The following ARMC2 variants were observed in gnomAD, a reference collection of about 807,000 sequenced individuals.
ARMC2 encodes the protein armadillo repeat containing 2.
ARMC2 carries 67 observed loss-of-function variants against 90.3 expected under a neutral mutation model. The observed-to-expected ratio is 0.74, with a 90% confidence interval of 0.61 to 0.91. The LOEUF (loss-of-function observed/expected upper bound fraction) is 0.91. Ranked by LOEUF, ARMC2 falls within the 40% of genes least tolerant of loss-of-function variation. The pLI is 0.00. For synonymous variants in ARMC2, 393 were observed against 393.0 expected (o/e 1.00, Z 0.00); for missense variants, 920 against 1,030.9 (o/e 0.89, Z 1.47).
At chr6:108,931,773 T>G (rs566815313) in intron 11 of ARMC2, among the ~76,000 whole-genome samples, 3 of 152,022 alleles carry the variant, frequency 2.0e-5, no homozygotes, top group African/African-American at 7.3e-5. Context: ...GCCCACTTTT[T>G]TTTTTTTGAG....
At chr6:108,878,708 G>A (rs1447778129) in intron 5 of ARMC2, among the ~76,000 whole-genome samples, 3 of 152,118 alleles carry the variant, frequency 2.0e-5, no homozygotes, top group Non-Finnish European at 2.9e-5. Flanking sequence ...AAGCACTTAC[G>A]GAACTGTCAT....
At chr6:108,985,943 AAATAT>A in the ARMC2 span, among the ~76,000 whole-genome samples, 2 of 152,180 alleles carry the variant, frequency 1.3e-5, no homozygotes, top group Non-Finnish European at 2.9e-5. Flanking sequence ...TCATGAGAGT[AAATAT>A]CCTTGAGGAC....
intron 10 of ARMC2, among the ~76,000 whole-genome samples, chr6:108,927,676 C>T (rs1775213088): frequency 6.9e-6 from 1 of 144,368 alleles, no homozygotes; most frequent in Admixed American, 7.0e-5. Context: ...TTTATAAAAG[C>T]ATAGAACAAT....
intron 10 of ARMC2, among the ~76,000 whole-genome samples, chr6:108,914,140 A>G (rs1037193363): frequency 1.3e-5 from 2 of 152,062 alleles, no homozygotes; most frequent in Non-Finnish European, 2.9e-5. Flanking sequence ...CATCAACTAT[A>G]TCACTGTGTG....
the ARMC2 span, among the ~76,000 whole-genome samples, chr6:108,989,065 C>T: frequency 0.099 from 15,101 of 152,140 alleles, 900 homozygotes; most frequent in Middle Eastern, 0.19. Flanking sequence ...TGCAGTGGTG[C>T]TATCTTGGCT....
the ARMC2 span, among the ~76,000 whole-genome samples, chr6:109,026,991 GA>G: frequency 6.6e-6 from 1 of 152,040 alleles, no homozygotes; most frequent in African/African-American, 2.4e-5. Flanking sequence ...CCAACACAGT[GA>G]AACCCTGTCT....
intron 6 of ARMC2, among the ~76,000 whole-genome samples, chr6:108,898,722 C>T (rs1771851737): frequency 6.6e-6 from 1 of 152,170 alleles, no homozygotes. Context: ...TGACCCCAGG[C>T]AGATAACTTA....
At chr6:108,972,409 C>A (rs1778821733) in intron 17 of ARMC2, among the ~76,000 whole-genome samples, 1 of 152,150 alleles carries the variant, frequency 6.6e-6, no homozygotes, top group Non-Finnish European at 1.5e-5. Context: ...AGTACTACTT[C>A]CCTGCTGCTT....
chr6:108,913,211 A>T (rs1026962684), intron 10 of ARMC2, among the ~76,000 whole-genome samples: 2 of 152,224 alleles, frequency 1.3e-5, no homozygotes, highest in African/African-American at 4.8e-5. Context: ...TTTTAATAGC[A>T]TTCATATATC....
At chr6:108,982,001 C>T in the ARMC2 span, among the ~76,000 whole-genome samples, 1 of 152,080 alleles carries the variant, frequency 6.6e-6, no homozygotes, top group Non-Finnish European at 1.5e-5. Flanking sequence ...AATAATATTC[C>T]ATTCTATGAG....
At chr6:108,946,751 T>C (rs1213044937) in intron 12 of ARMC2, among the ~76,000 whole-genome samples, 1 of 152,232 alleles carries the variant, frequency 6.6e-6, no homozygotes, top group East Asian at 1.9e-4. Flanking sequence ...TAAAATGTGT[T>C]CCTTTACTTA....
intron 5 of ARMC2, among the ~76,000 whole-genome samples, chr6:108,884,399 A>G (rs1390881589): frequency 6.6e-6 from 1 of 152,208 alleles, no homozygotes; most frequent in African/African-American, 2.4e-5. Flanking sequence ...AGCACTGTTC[A>G]AAGATGAACT....
Position 108,973,409 on chromosome 6 carries a change from C to G in ARMC2, c.2499C>G (p.His833Gln), listed in dbSNP as rs761837709. 1.9e-6 allele frequency: 3 copies of G among 1,613,772 alleles called. No individual in the cohort carries two copies. The South Asian group carries it at 3.3e-5, about 18-fold the overall frequency. The change falls in exon 18 of 18, where the codon CAC becomes CAG. Residue 833 changes from histidine to glutamine, a missense_variant. His to Gln is a conservative substitution (Grantham distance 24). Coordinates refer to ENST00000392644, the MANE Select transcript of ARMC2 (RefSeq NM_032131.6). ...GSFDPDLKNY[H>Q]KLHWETEFKP... ...TTGATCCAGACCTAAAAAACTATCA[C>G]AAACTCCATTGGGAAACAGAATTCA...
At chr6:108,858,340 G>T (rs2128418557) in intron 3 of ARMC2, 69 bp downstream of exon 3, 2 of 1,175,074 alleles carry the variant, frequency 1.7e-6, no homozygotes, top group Non-Finnish European at 2.5e-6. Context: ...AAAACACTTG[G>T]AATCAGTACT....
chr6:108,995,039 T>G, the ARMC2 span, among the ~76,000 whole-genome samples: 1 of 152,164 alleles, frequency 6.6e-6, no homozygotes, highest in Non-Finnish European at 1.5e-5. Flanking sequence ...GGGAAAATAT[T>G]CCTATAATTT....
intron 10 of ARMC2, chr6:108,923,081 GA>G (rs1392727922): frequency 6.6e-6 from 1 of 152,166 alleles, no homozygotes; most frequent in Non-Finnish European, 1.5e-5. Flanking sequence ...TGCAAGTTAA[GA>G]GATGGGGGAA....
the ARMC2 span, among the ~76,000 whole-genome samples, chr6:109,044,311 CAAAAAAAAAAAAAAA>C: frequency 2.8e-3 from 79 of 28,442 alleles, 1 homozygote; most frequent in East Asian, 0.01. Flanking sequence ...GAACTTGCCT[CAAAAAAAAAAAAAAA>C]AAAAAAAAAA....
At chr6:109,015,658 C>G in the ARMC2 span, among the ~76,000 whole-genome samples, 1 of 151,876 alleles carries the variant, frequency 6.6e-6, no homozygotes, top group African/African-American at 2.4e-5. Context: ...ACTATGAGGT[C>G]TATGAAAAAG....
At chr6:109,049,157 T>A in the ARMC2 span, among the ~76,000 whole-genome samples, 5 of 152,148 alleles carry the variant, frequency 3.3e-5, no homozygotes, top group African/African-American at 1.2e-4. Flanking sequence ...TGAATGGATT[T>A]TTAAAATGTG....
Sources: allele counts gnomAD v4.1 joint callset (sites outside exome capture counted in the v4.1 genomes callset), GRCh38; gene constraint gnomAD v4.1.1; transcripts MANE v1.5; gene names NCBI Gene and HGNC (gene_info 2026-07-23, HGNC 2026-07-21).